The following HSD17B12 variants were observed in gnomAD, a reference collection of about 807,000 sequenced individuals.
HSD17B12 encodes very-long-chain 3-oxoacyl-CoA reductase.
In HSD17B12, 32 loss-of-function variants were observed where a neutral mutation model predicts 39.3. The ratio of observed to expected loss-of-function variants is 0.81; its 90% CI spans 0.61 to 1.09. The LOEUF (loss-of-function observed/expected upper bound fraction) is 1.09. HSD17B12 is among the 50% of genes least tolerant of loss of function. HSD17B12 has a pLI of 0.00. For missense variants in HSD17B12, 342 were observed against 382.9 expected, an observed-to-expected ratio of 0.89 and a Z score of 0.89; for synonymous variants, 150 against 146.7, an observed-to-expected ratio of 1.02 and a Z score of -0.16.
intron 3 of HSD17B12, among the ~76,000 whole-genome samples, chr11:43,791,014 TA>T (rs562426950): frequency 0.018 from 2,752 of 151,274 alleles, 77 homozygotes; most frequent in African/African-American, 0.049. Flanking sequence ...AAAAACAAAA[TA>T]AAAAAAAACT....
intron 1 of HSD17B12, among the ~76,000 whole-genome samples, chr11:43,702,229 T>G (rs981918128): frequency 2.6e-5 from 4 of 152,208 alleles, no homozygotes; most frequent in African/African-American, 9.6e-5. Context: ...AGTTTTCTCA[T>G]GGAGTCCTTT....
rs1232125962 is a variant in HSD17B12, at chr11:43,690,388, A to ATTTTTTTTT, written c.160+9402_160+9403insTTTTTTTTT. Among the ~76,000 whole-genome samples, 3 of 11,794 alleles carry ATTTTTTTTT rather than the reference A, an allele frequency of 2.5e-4. 1 individual carries two copies. Among genetic ancestry groups the ATTTTTTTTT allele is most frequent in the African/African-American group, 5.4e-4 (1 of 1,860 alleles). The allele number at this position is 11,794 out of a possible 152,430, so 7.7% of individuals were successfully genotyped here. A position where few individuals can be genotyped will look rare whatever the true frequency, so the allele number is the denominator to read the frequency against. ...TATATATATATATATATATATATAT[A>ATTTTTTTTT]TATATATATATATATATTTTTTTTT... On this transcript the variant is annotated intron_variant, in intron 1 of 10. Transcript: ENST00000278353.
At chr11:43,583,512 G>A in the HSD17B12 span, among the ~76,000 whole-genome samples, 142 of 152,272 alleles carry the variant, frequency 9.3e-4, no homozygotes, top group Admixed American at 1.6e-3. Flanking sequence ...GGGATCAAAG[G>A]AAGAGACCCC....
Position 43,757,651 on chromosome 11 carries a change from A to AAAAAC in HSD17B12, c.283+3534_283+3535insCAAAA, listed in dbSNP as rs1554965312. 4.2e-4 allele frequency among the ~76,000 whole-genome samples: 59 copies of AAAAAC among 141,248 alleles called. 1 individual carries two copies. Among genetic ancestry groups the AAAAAC allele is most frequent in the African/African-American group, 1.5e-3 (57 of 38,072 alleles). The allele number at this position is 141,248 out of a possible 152,430, so 92.7% of individuals were successfully genotyped here. A position where few individuals can be genotyped will look rare whatever the true frequency, so the allele number is the denominator to read the frequency against. ...CGAGACTCCGTCTCAAAAAAAAAAA[A>AAAAAC]AAAAAAAAAAAAAAAACAAATAGGT... On this transcript the variant is annotated intron_variant, in intron 3 of 10. Coordinates refer to ENST00000278353, the MANE Select transcript of HSD17B12 (RefSeq NM_016142.3).
the HSD17B12 span, among the ~76,000 whole-genome samples, chr11:43,622,053 G>T: frequency 4.6e-5 from 7 of 152,146 alleles, no homozygotes; most frequent in Admixed American, 3.9e-4. Context: ...CACAGAATCG[G>T]CTATGTAGCT....
the HSD17B12 span, among the ~76,000 whole-genome samples, chr11:43,670,134 G>T: frequency 2.0e-5 from 3 of 152,160 alleles, no homozygotes; most frequent in Non-Finnish European, 1.5e-5. Flanking sequence ...TAAGATAGGT[G>T]GTCCAGGCTT....
intron 1 of HSD17B12, among the ~76,000 whole-genome samples, chr11:43,738,593 G>A (rs1286037731): frequency 2.6e-5 from 4 of 152,180 alleles, no homozygotes; most frequent in Admixed American, 2.6e-4. Context: ...TCTAAATAAG[G>A]TGTGGAAAAA....
the HSD17B12 span, among the ~76,000 whole-genome samples, chr11:43,650,569 A>C: frequency 6.6e-6 from 1 of 152,192 alleles, no homozygotes; most frequent in Non-Finnish European, 1.5e-5. Flanking sequence ...ATTTAATTAA[A>C]TGAATATAGA....
intron 9 of HSD17B12, among the ~76,000 whole-genome samples, chr11:43,841,780 C>T (rs16937651): frequency 0.022 from 3,400 of 152,242 alleles, 54 homozygotes; most frequent in Non-Finnish European, 0.035. Context: ...CCTCTGTGCA[C>T]GTCTGGTGTT....
chr11:43,792,809 C>T (rs1950880316), intron 3 of HSD17B12, among the ~76,000 whole-genome samples: 1 of 151,230 alleles, frequency 6.6e-6, no homozygotes, highest in African/African-American at 2.4e-5. Context: ...AGGCGTGCAC[C>T]ACCACACCCC....
chr11:43,829,115 G>T (rs879361394), intron 6 of HSD17B12, among the ~76,000 whole-genome samples: 2 of 152,204 alleles, frequency 1.3e-5, no homozygotes, highest in African/African-American at 2.4e-5. Flanking sequence ...GACAAGGACA[G>T]AGAATTTAGA....
chr11:43,586,516 G>A, the HSD17B12 span, among the ~76,000 whole-genome samples: 60 of 152,178 alleles, frequency 3.9e-4, no homozygotes, highest in African/African-American at 1.4e-3. Context: ...TGTGGGGCTT[G>A]ACTGAGAGCT....
the HSD17B12 span, among the ~76,000 whole-genome samples, chr11:43,604,865 T>A: frequency 3.3e-5 from 5 of 152,226 alleles, no homozygotes; most frequent in African/African-American, 9.6e-5. Context: ...CAATTTTATA[T>A]TTTCTATCTA....
intron 1 of HSD17B12, among the ~76,000 whole-genome samples, chr11:43,707,140 A>G (rs1249734941): frequency 6.6e-6 from 1 of 152,208 alleles, no homozygotes; most frequent in Non-Finnish European, 1.5e-5. Context: ...AAATTAATTG[A>G]TCACCACTGG....
At chr11:43,703,373 T>G (rs1470994268) in intron 1 of HSD17B12, among the ~76,000 whole-genome samples, 1 of 152,044 alleles carries the variant, frequency 6.6e-6, no homozygotes, top group Admixed American at 6.6e-5. Context: ...TTTTTGTATT[T>G]TTAGTAGAGA....
At chr11:43,839,682 T>C (rs894965193) in intron 8 of HSD17B12, among the ~76,000 whole-genome samples, 1 of 152,116 alleles carries the variant, frequency 6.6e-6, no homozygotes, top group Non-Finnish European at 1.5e-5. Context: ...AATGAGTCTT[T>C]TGTTATATAA....
At chr11:43,591,752 AC>A in the HSD17B12 span, among the ~76,000 whole-genome samples, 1 of 151,990 alleles carries the variant, frequency 6.6e-6, no homozygotes, top group East Asian at 1.9e-4. Context: ...TGTATAGTTA[AC>A]TTGTAAACAC....
intron 3 of HSD17B12, among the ~76,000 whole-genome samples, chr11:43,756,369 A>C (rs1230204330): frequency 6.6e-6 from 1 of 152,168 alleles, no homozygotes; most frequent in African/African-American, 2.4e-5. Context: ...AAGGGCCAAG[A>C]TATACAGTAT....
the HSD17B12 span, among the ~76,000 whole-genome samples, chr11:43,615,019 T>C: frequency 6.6e-6 from 1 of 152,158 alleles, no homozygotes; most frequent in Non-Finnish European, 1.5e-5. Context: ...GCCAGTGATT[T>C]TTTTCATCAT....
Sources: allele counts gnomAD v4.1 joint callset (sites outside exome capture counted in the v4.1 genomes callset), GRCh38; gene constraint gnomAD v4.1.1; transcripts MANE v1.5; gene names NCBI Gene and HGNC (gene_info 2026-07-23, HGNC 2026-07-21).